HEPACAM2: variants seen among roughly 807,000 people sequenced by gnomAD.
HEPACAM2 encodes the protein HEPACAM family member 2.
In HEPACAM2, 49 loss-of-function variants were observed where a neutral mutation model predicts 49.6. The ratio of observed to expected loss-of-function variants is 0.99; its 90% CI spans 0.78 to 1.25. The LOEUF (loss-of-function observed/expected upper bound fraction) is 1.25. Among genes scored for constraint, HEPACAM2 ranks in the 50% most tolerant of loss-of-function variants. The pLI is 0.00. For synonymous variants in HEPACAM2, 197 were observed against 202.9 expected, an observed-to-expected ratio of 0.97 and a Z score of 0.25; for missense variants, 525 against 557.2, an observed-to-expected ratio of 0.94 and a Z score of 0.58.
In HEPACAM2 at chr7:93,226,450, T is replaced by A. The variant is rs1439959146; in HGVS notation, c.-4A>T. On this transcript the variant is annotated 5_prime_UTR_variant, in exon 1 of 10. The change abolishes an upstream ATG in the 5' untranslated region. Transcript: ENST00000394468. ...CCATGAAAGCATCCTGTCCCATGCA[T>A]GCAGTGCCCTGTTCTCAGTGGTAAC... 2 of 1,611,878 alleles carry A rather than the reference T, an allele frequency of 1.2e-6. No individual in the cohort carries two copies. The highest frequency in any genetic ancestry group is 8.5e-7 in the Non-Finnish European group (1 of 1,178,250).
chr7:93,215,349 T>G, intron 3 of HEPACAM2, 52 bp downstream of exon 3: 1 of 1,509,172 alleles, frequency 6.6e-7, no homozygotes, highest in Non-Finnish European at 9.1e-7. Flanking sequence ...CTGGGAGATA[T>G]TCTCAGAAAA....
Position 93,226,433 on chromosome 7 carries a change from G to T in HEPACAM2, c.14C>A (p.Ala5Asp). 3 of 1,613,348 alleles carry T rather than the reference G, an allele frequency of 1.9e-6. No individual in the cohort carries two copies. Among genetic ancestry groups the T allele is most frequent in the Non-Finnish European group, 2.5e-6 (3 of 1,179,466 alleles). MGQDAFMEPFGDTLG... is the reference protein window; with the variant it reads MGQDDFMEPFGDTLG... ...TGTGTCACCGAAGGGCTCCATGAAA[G>T]CATCCTGTCCCATGCATGCAGTGCC... The change falls in exon 1 of 10, where the codon GCT (alanine) becomes GAT (aspartate). Residue 5 changes from alanine (A) to aspartate (D), a missense_variant. Physicochemically the swap from Ala to Asp is moderately radical, Grantham distance 126. Transcript: ENST00000394468.
chr7:93,228,665 A>G (rs372875103), upstream of HEPACAM2, among the ~76,000 whole-genome samples: 1 of 152,222 alleles, frequency 6.6e-6, no homozygotes, highest in African/African-American at 2.4e-5. Context: ...CCAGTCAGGA[A>G]AAAAGGGCCT....
chr7:93,194,919 A>ATTTTTTTTTTT (rs1562820485), intron 8 of HEPACAM2, among the ~76,000 whole-genome samples: 37 of 102,368 alleles, frequency 3.6e-4, no homozygotes, highest in African/African-American at 1.2e-3. Flanking sequence ...ACTTTAAAAG[A>ATTTTTTTTTTT]TCTTTTTTTT....
Position 93,197,578 on chromosome 7 carries a change from A to G in HEPACAM2, c.1045T>C (p.Leu349=). The change falls in exon 5 of 10, where the codon TTG becomes CTG. Residue 349 remains leucine, a synonymous_variant. Transcript: ENST00000394468. ...LEKLAQKGKS[L]SPLASITGIS... is the part of the protein sequence containing the mutation. ...CCAGTTATACTTGCTAAAGGTGACA[A>G]TGATTTTCCTTTCTGTGCAAGCTTC... 6.3e-7 allele frequency: 1 copy of G among 1,598,838 alleles called. No individual in the cohort carries two copies.
Position 93,215,446 on chromosome 7 carries a change from G to T in HEPACAM2, c.670C>A (p.Pro224Thr), listed in dbSNP as rs774928451. 1 of 1,613,764 alleles carries T rather than the reference G, an allele frequency of 6.2e-7. No individual in the cohort carries two copies. Among genetic ancestry groups the T allele is most frequent in the South Asian group, 1.1e-5 (1 of 91,068 alleles). ...ATATCACTTTCCATTTCACTGACAGGGTTCCTCACCAGGCAGCTGTAATTC... is the reference window on the plus strand; with the variant it reads ...ATATCACTTTCCATTTCACTGACAGTGTTCCTCACCAGGCAGCTGTAATTC... ...IGNYSCLVRN[P>T]VSEMESDIIM... Residue 224 changes from proline (P) to threonine (T), a missense_variant, in exon 3 of 10, where the codon CCT becomes ACT. Transcript: ENST00000394468.
intron 2 of HEPACAM2, among the ~76,000 whole-genome samples, chr7:93,217,584 C>T (rs1794334528): frequency 1.3e-5 from 2 of 152,068 alleles, no homozygotes; most frequent in South Asian, 4.1e-4. Context: ...TGCATCTTTA[C>T]TCCTCTGAAG....
chr7:93,212,967 C>T (rs1236105398), intron 3 of HEPACAM2, among the ~76,000 whole-genome samples: 1 of 151,966 alleles, frequency 6.6e-6, no homozygotes, highest in Non-Finnish European at 1.5e-5. Flanking sequence ...AGAAATGAAC[C>T]CTTTGCCTTG....
At chr7:93,219,052 C>T in intron 2 of HEPACAM2, 49 bp downstream of exon 2, 1 of 1,534,874 alleles carries the variant, frequency 6.5e-7, no homozygotes, top group South Asian at 1.2e-5. Context: ...TGAGCCTTTG[C>T]TAACTACCAT....
intron 1 of HEPACAM2, among the ~76,000 whole-genome samples, chr7:93,221,660 GA>G (rs2116724003): frequency 6.6e-6 from 1 of 152,274 alleles, no homozygotes; most frequent in East Asian, 1.9e-4. Context: ...CACCAAAGAG[GA>G]AGATAGTTAG....
intron 3 of HEPACAM2, 24 bp from the exon 4 acceptor site, chr7:93,208,900 G>C: frequency 6.6e-7 from 1 of 1,514,760 alleles, no homozygotes; most frequent in Middle Eastern, 1.9e-4. Flanking sequence ...AAAAAAAATA[G>C]ATAAGTAACA....
rs200217386 is a variant in HEPACAM2 at position 93,208,660 on chromosome 7, A to T, written c.932T>A (p.Met311Lys). The T allele has an allele frequency of 6.2e-7, 1 of 1,613,206 alleles. No homozygotes were observed. Among genetic ancestry groups the T allele is most frequent in the East Asian group, 2.2e-5 (1 of 44,846 alleles). ...VASEKVAQKT[M>K]DYVCCAYNNI... Reference sequence around the variant, plus strand: ...GTTGTAAGCACAGCACACATAGTCCATTGTCTTCTGGGCTACTTTCTCAGA... The same window carrying T: ...GTTGTAAGCACAGCACACATAGTCCTTTGTCTTCTGGGCTACTTTCTCAGA... The change falls in exon 4 of 10, where the codon ATG becomes AAG. Residue 311 changes from methionine (M) to lysine (K), a missense_variant. Transcript: ENST00000394468.
At chr7:93,222,411 T>G (rs889272040) in intron 1 of HEPACAM2, among the ~76,000 whole-genome samples, 1 of 152,172 alleles carries the variant, frequency 6.6e-6, no homozygotes, top group Non-Finnish European at 1.5e-5. Flanking sequence ...TTTTTACTTG[T>G]GTAAATATGA....
At chr7:93,194,511 T>C (rs1188611648) in intron 8 of HEPACAM2, among the ~76,000 whole-genome samples, 1 of 152,094 alleles carries the variant, frequency 6.6e-6, no homozygotes, top group Non-Finnish European at 1.5e-5. Context: ...GAATAGGGTA[T>C]TGCAAAGCCT....
chr7:93,202,032 C>CAAAAAAAAAAAAAAAAAA (rs71998232), intron 4 of HEPACAM2, among the ~76,000 whole-genome samples: 1 of 102,008 alleles, frequency 9.8e-6, no homozygotes, highest in Non-Finnish European at 1.9e-5. Flanking sequence ...AAAAAAAAAC[C>CAAAAAAAAAAAAAAAAAA]AAAAAAAAAA....
At chr7:93,226,997 AGT>A (rs1283104883), upstream of HEPACAM2, among the ~76,000 whole-genome samples, 1 of 152,200 alleles carries the variant, frequency 6.6e-6, no homozygotes, top group African/African-American at 2.4e-5. Context: ...TTTTCTATGC[AGT>A]GTTTCCTATT....
At chr7:93,222,980 G>T (rs766207119) in intron 1 of HEPACAM2, among the ~76,000 whole-genome samples, 1 of 152,144 alleles carries the variant, frequency 6.6e-6, no homozygotes, top group Non-Finnish European at 1.5e-5. Flanking sequence ...AAATCAAGGG[G>T]AATGATGGAA....
rs535785524 is a variant in HEPACAM2, at chr7:93,221,810, AT to A, written c.80-2360del. The stretch of plus-strand genomic sequence containing the variant: ...GTGTTTTTGTGATTAACTTCTAAGA[AT>A]TTTTTTTTCTTCTGATAATGGACCT... On this transcript the variant is annotated intron_variant, in intron 1 of 9. Coordinates refer to ENST00000394468, the MANE Select transcript of HEPACAM2 (RefSeq NM_001039372.4). 8.8e-3 allele frequency among the ~76,000 whole-genome samples: 1,341 copies of A among 151,940 alleles called. 18 individuals are homozygous for A. Among genetic ancestry groups the A allele is most frequent in the African/African-American group, 0.031 (1,278 of 41,436 alleles).
intron 8 of HEPACAM2, among the ~76,000 whole-genome samples, chr7:93,194,690 A>G (rs1356964373): frequency 6.6e-6 from 1 of 152,122 alleles, no homozygotes; most frequent in Non-Finnish European, 1.5e-5. Flanking sequence ...TCTGAACAAG[A>G]GAAGTCACGA....
Sources: gnomAD v4.1 joint callset for allele counts (sites outside exome capture counted in the v4.1 genomes callset) on GRCh38, gnomAD v4.1.1 for gene constraint, MANE v1.5 for transcripts, NCBI Gene and HGNC (gene_info 2026-07-23, HGNC 2026-07-21) for gene names.